The following CENPE variants were observed in gnomAD, a reference collection of about 807,000 sequenced individuals.
The protein encoded by CENPE is centromere-associated protein E.
In CENPE, 145 loss-of-function variants were observed where a neutral mutation model predicts 336.1. The observed-to-expected ratio is 0.43, with a 90% CI of 0.38 to 0.50. CENPE has a LOEUF of 0.50. CENPE is among the 20% of genes least tolerant of loss of function. CENPE has a pLI of 0.00. For missense variants in CENPE, 2,719 were observed against 3,023.3 expected, an observed-to-expected ratio of 0.90 and a Z score of 2.36; for synonymous variants, 1,013 against 984.8, an observed-to-expected ratio of 1.03 and a Z score of -0.54.
At chr4:103,129,674 A>T (rs1751419707) in intron 42 of CENPE, among the ~76,000 whole-genome samples, 1 of 152,102 alleles carries the variant, frequency 6.6e-6, no homozygotes, top group Admixed American at 6.6e-5. Flanking sequence ...CCGTGTGCCG[A>T]GATTGTGCCA....
chr4:103,162,543 G>GA (rs952220376), intron 18 of CENPE, among the ~76,000 whole-genome samples: 2 of 149,768 alleles, frequency 1.3e-5, no homozygotes, highest in African/African-American at 4.9e-5. Context: ...TAAAACTACT[G>GA]AAAAAAATTC....
chr4:103,119,108 C>T (rs1003248717), intron 44 of CENPE, among the ~76,000 whole-genome samples: 13 of 152,130 alleles, frequency 8.5e-5, no homozygotes, highest in South Asian at 8.3e-4. Context: ...AACCATGTAC[C>T]CCCTTGTCTG....
chr4:103,128,283 T>C (rs1279172893), intron 42 of CENPE, among the ~76,000 whole-genome samples: 1 of 152,138 alleles, frequency 6.6e-6, no homozygotes, highest in Non-Finnish European at 1.5e-5. Context: ...CAAAAACTGA[T>C]AAAACTACAA....
At chr4:103,119,525 A>C (rs1257134682) in intron 44 of CENPE, among the ~76,000 whole-genome samples, 2 of 152,238 alleles carry the variant, frequency 1.3e-5, no homozygotes, top group Non-Finnish European at 2.9e-5. Context: ...TTAAATAATG[A>C]ATAAAGCAGG....
chr4:103,190,099 C>A (rs1237326673), intron 8 of CENPE, among the ~76,000 whole-genome samples: 1 of 152,096 alleles, frequency 6.6e-6, no homozygotes, highest in Admixed American at 6.5e-5. Flanking sequence ...TGTGAAGGAC[C>A]TCTTCAAGGA....
In CENPE at chr4:103,196,051, A is replaced by G. The variant is rs1757706853; in HGVS notation, c.239-13T>C. The G allele has an allele frequency of 1.2e-6, 2 of 1,601,294 alleles. No homozygotes were observed. Among genetic ancestry groups the G allele is most frequent in the South Asian group, 2.2e-5 (2 of 90,796 alleles). On this transcript the variant is annotated splice_polypyrimidine_tract_variant and intron_variant, in intron 3 of 48. Coordinates refer to ENST00000265148, the MANE Select transcript of CENPE (RefSeq NM_001813.3). ...GCAAATATAGTACCTGCAAAAAACA[A>G]AACACACATACGCAAAGATTAAAAA... is the stretch of plus-strand genomic sequence containing the variant.
At chr4:103,153,285 A>T (rs184118868) in intron 24 of CENPE, 35 bp from the exon 25 acceptor site, 1 of 1,409,538 alleles carries the variant, frequency 7.1e-7, no homozygotes, top group Admixed American at 2.1e-5. Flanking sequence ...GAATTTCTTA[A>T]GTAGTTAACA....
rs760463719 is a variant in CENPE at position 103,147,526 on chromosome 4, T to C, written c.3964A>G (p.Thr1322Ala). The C allele has an allele frequency of 1.2e-6, 2 of 1,614,134 alleles. No homozygotes were observed. The highest frequency in any genetic ancestry group is 2.2e-5 in the South Asian group (2 of 91,086). The change falls in exon 29 of 49, where the codon ACA becomes GCA. Residue 1322 changes from threonine to alanine, a missense_variant. By Grantham distance (58) the Thr-to-Ala change is moderately conservative (BLOSUM62 0). Coordinates refer to ENST00000265148, the MANE Select transcript of CENPE (RefSeq NM_001813.3). ...CTTTCCATTTCTATTCTTGCCAGTG[T>C]TGTTGAGTCCTTGGTTGTGGACTGT... Reference protein sequence around the residue: ...TEQSTTKDSTTLARIEMERLR... With the variant: ...TEQSTTKDSTALARIEMERLR...
intron 45 of CENPE, 84 bp from the exon 46 acceptor site, chr4:103,114,636 C>G (rs1006097138): frequency 8.8e-6 from 7 of 797,652 alleles, no homozygotes; most frequent in Non-Finnish European, 1.5e-5. Context: ...GAAGGATTTT[C>G]TAACACATCA....
chr4:103,107,935 T>G (rs181228264), intron 48 of CENPE, among the ~76,000 whole-genome samples: 2 of 152,200 alleles, frequency 1.3e-5, no homozygotes, highest in Admixed American at 1.3e-4. Context: ...AAACAATTCC[T>G]TTATATAATT....
At position 103,109,082 on chromosome 4, in the gene CENPE, G is replaced by C. The variant is rs149532916; in HGVS notation, c.7732C>G (p.Gln2578Glu). 910 of 1,605,960 alleles carry C rather than the reference G, an allele frequency of 5.7e-4. 1 individual carries two copies. Among genetic ancestry groups the C allele is most frequent in the Non-Finnish European group, 7.4e-4 (873 of 1,176,502 alleles). ...GTTTTGACCTCATTGGAAAGATGCTGATTATTGCTTAAATGTGGGGGAAGA... is the reference window on the plus strand; with the variant it reads ...GTTTTGACCTCATTGGAAAGATGCTCATTATTGCTTAAATGTGGGGGAAGA... ...KQKNELLSNN[Q>E]HLSNEVKTWK... The change falls in exon 48 of 49, where the codon CAG becomes GAG. Residue 2578 changes from glutamine (Q) to glutamate (E), a missense_variant. Physicochemically the swap from Gln to Glu is conservative, Grantham distance 29. Around this residue, in one of 5 missense-constraint regions of CENPE, gnomAD observed 2,437 missense variants for 2,513.3 expected, o/e 0.97. Transcript: ENST00000265148.
chr4:103,115,935 G>A (rs1750066174), intron 45 of CENPE, among the ~76,000 whole-genome samples: 1 of 151,908 alleles, frequency 6.6e-6, no homozygotes, highest in Non-Finnish European at 1.5e-5. Context: ...GTTTCACCGT[G>A]TTAGCCAGGA....
intron 8 of CENPE, among the ~76,000 whole-genome samples, chr4:103,191,209 C>T (rs530567875): frequency 6.6e-6 from 1 of 152,290 alleles, no homozygotes; most frequent in East Asian, 1.9e-4. Context: ...GGACTGTAAA[C>T]TACTTCAGCC....
At chr4:103,191,868 C>T (rs1473511171) in intron 8 of CENPE, among the ~76,000 whole-genome samples, 1 of 151,884 alleles carries the variant, frequency 6.6e-6, no homozygotes, top group Non-Finnish European at 1.5e-5. Context: ...TCAGCAATGA[C>T]TCTCACAATG....
rs768965634 is a variant in CENPE, at chr4:103,140,281, T to C, written c.5888A>G (p.Lys1963Arg). ...CTTTTTCTGTAATTCATCTTTTGAT[T>C]TATCTAAATCCTTTTGAATGTCTGA... ...QISDIQKDLD[K>R]SKDELQKKIQ... The change falls in exon 37 of 49, where the codon AAA (lysine) becomes AGA (arginine). Residue 1963 changes from lysine (K) to arginine (R), a missense_variant. Around this residue, in one of 5 missense-constraint regions of CENPE, gnomAD observed 2,437 missense variants for 2,513.3 expected, o/e 0.97. Transcript: ENST00000265148. The C allele has an allele frequency of 7.5e-6, 12 of 1,596,822 alleles. No individual in the cohort carries two copies. The Admixed American group carries it at 2.1e-4, about 28-fold the overall frequency.
At chr4:103,182,920 A>AACATTACCTACT (rs1208489085) in intron 10 of CENPE, 29 bp from the exon 11 acceptor site, 1 of 1,598,934 alleles carries the variant, frequency 6.3e-7, no homozygotes, top group Non-Finnish European at 8.5e-7. Context: ...TACAGGAGAA[A>AACATTACCTACT]AAGATTGAGA....
At position 103,181,369 on chromosome 4, in the gene CENPE, C is replaced by T; in HGVS notation, c.1051G>A (p.Glu351Lys). The change falls in exon 12 of 49, where the codon GAA (glutamate) becomes AAA (lysine). Residue 351 changes from glutamate (E) to lysine (K), a missense_variant. Physicochemically the swap from Glu to Lys is moderately conservative, Grantham distance 56. Around this residue, in one of 5 missense-constraint regions of CENPE, gnomAD observed 117 missense variants for 215.8 expected, o/e 0.54. Transcript: ENST00000265148. ...DEALLKRYRK[E>K]IMDLKKQLEE... ...AATTGTTTTTTAAGATCCATTATTT[C>T]TTTTCTATACCTTTTCAGGAGAGCT... is the stretch of plus-strand genomic sequence containing the variant. 6.5e-7 allele frequency: 1 copy of T among 1,546,694 alleles called. No homozygotes were observed.
chr4:103,132,933 A>C (rs1213718302), intron 41 of CENPE, 37 bp from the exon 42 acceptor site: 1 of 666,464 alleles, frequency 1.5e-6, no homozygotes, highest in Non-Finnish European at 2.2e-6. Flanking sequence ...TTTAAACATT[A>C]GGAAAGTTTT....
intron 45 of CENPE, 26 bp downstream of exon 45, chr4:103,116,551 C>A (rs1418754761): frequency 2.6e-6 from 3 of 1,148,774 alleles, no homozygotes; most frequent in Admixed American, 2.4e-5. Context: ...CTATTAAAAT[C>A]ACATTAAATT....
Sources: allele counts gnomAD v4.1 joint callset (sites outside exome capture counted in the v4.1 genomes callset), GRCh38; gene constraint gnomAD v4.1.1; regional missense constraint gnomAD v4.1.1; transcripts MANE v1.5; gene names NCBI Gene and HGNC (gene_info 2026-07-23, HGNC 2026-07-21).